The following TMEM117 variants were observed in gnomAD, a reference collection of about 807,000 sequenced individuals.
The protein encoded by TMEM117 is transmembrane protein 117.
TMEM117 carries 27 observed loss-of-function variants against 52.4 expected under a neutral mutation model. The observed-to-expected ratio is 0.51, with a 90% CI of 0.38 to 0.71. The LOEUF (loss-of-function observed/expected upper bound fraction) is 0.71. TMEM117 is among the 30% of genes least tolerant of loss of function. The probability of loss-of-function intolerance (pLI) is 0.00; values close to 1 mark genes in which losing one functional copy is unlikely to be tolerated. For synonymous variants in TMEM117, 215 were observed against 206.3 expected, an observed-to-expected ratio of 1.04 and a Z score of -0.36; for missense variants, 556 against 630.5, an observed-to-expected ratio of 0.88 and a Z score of 1.26.
At chr12:43,943,792 A>T (rs1945084104) in intron 2 of TMEM117, among the ~76,000 whole-genome samples, 1 of 152,230 alleles carries the variant, frequency 6.6e-6, no homozygotes, top group Non-Finnish European at 1.5e-5. Context: ...TCATCTGGCC[A>T]GTATTGGGAA....
chr12:44,169,879 A>T (rs1464745371), intron 4 of TMEM117, among the ~76,000 whole-genome samples: 3 of 152,210 alleles, frequency 2.0e-5, no homozygotes, highest in African/African-American at 7.2e-5. Flanking sequence ...TGTGGAAGAC[A>T]GCGTGGCCAT....
intron 2 of TMEM117, among the ~76,000 whole-genome samples, chr12:43,891,019 C>A (rs1944093651): frequency 6.6e-6 from 1 of 151,890 alleles, no homozygotes; most frequent in Non-Finnish European, 1.5e-5. Flanking sequence ...TAATGATTTC[C>A]CCAGAGGTGG....
the TMEM117 span, chr12:43,800,575 A>G: frequency 1.4e-6 from 2 of 1,463,502 alleles, no homozygotes; most frequent in Non-Finnish European, 1.9e-6. Flanking sequence ...TGAAAACATA[A>G]CATTACAAAA....
At chr12:44,034,262 T>G (rs1359910830) in intron 3 of TMEM117, among the ~76,000 whole-genome samples, 1 of 152,106 alleles carries the variant, frequency 6.6e-6, no homozygotes, top group East Asian at 1.9e-4. Flanking sequence ...TTTATATTAG[T>G]AGCCAAGAAA....
At chr12:44,118,081 G>T (rs1440673564) in intron 3 of TMEM117, among the ~76,000 whole-genome samples, 2 of 151,288 alleles carry the variant, frequency 1.3e-5, no homozygotes, top group African/African-American at 2.4e-5. Flanking sequence ...AGGAAATTGG[G>T]GCAGTTGTTC....
intron 5 of TMEM117, among the ~76,000 whole-genome samples, chr12:44,226,950 T>C (rs1396165084): frequency 6.6e-6 from 1 of 152,044 alleles, no homozygotes; most frequent in Non-Finnish European, 1.5e-5. Context: ...ACAATAAAAA[T>C]TGGCCCAATT....
intron 6 of TMEM117, among the ~76,000 whole-genome samples, chr12:44,318,112 G>A (rs894479557): frequency 6.6e-6 from 1 of 152,164 alleles, no homozygotes; most frequent in Admixed American, 6.6e-5. Context: ...TAGCATAGGG[G>A]GCCGTACTGC....
intron 4 of TMEM117, among the ~76,000 whole-genome samples, chr12:44,181,785 T>A (rs531409101): frequency 1.5e-4 from 22 of 150,654 alleles, no homozygotes; most frequent in Non-Finnish European, 2.8e-4. Flanking sequence ...AGTCAGGTAG[T>A]GTGATGCCTC....
At chr12:44,276,967 G>A (rs1039539414) in intron 5 of TMEM117, among the ~76,000 whole-genome samples, 4 of 151,374 alleles carry the variant, frequency 2.6e-5, no homozygotes, top group African/African-American at 9.7e-5. Flanking sequence ...CTAAGGCTGT[G>A]GTGGTTAAAT....
chr12:43,897,185 A>G (rs1276250332), intron 2 of TMEM117, among the ~76,000 whole-genome samples: 5 of 152,232 alleles, frequency 3.3e-5, no homozygotes, highest in African/African-American at 9.6e-5. Flanking sequence ...TCAGTCTCTC[A>G]CCATATTCTT....
intron 5 of TMEM117, among the ~76,000 whole-genome samples, chr12:44,238,381 T>C (rs1010282728): frequency 1.3e-5 from 2 of 151,902 alleles, no homozygotes; most frequent in African/African-American, 4.8e-5. Context: ...GAAGGGAAAA[T>C]AGAAGGAAGG....
At chr12:43,895,065 G>T (rs1360815747) in intron 2 of TMEM117, among the ~76,000 whole-genome samples, 1 of 152,088 alleles carries the variant, frequency 6.6e-6, no homozygotes, top group Non-Finnish European at 1.5e-5. Flanking sequence ...TGTCATGGGG[G>T]TTTGTTGTGC....
intron 6 of TMEM117, among the ~76,000 whole-genome samples, chr12:44,316,780 T>G (rs1344218337): frequency 6.6e-6 from 1 of 152,074 alleles, no homozygotes; most frequent in African/African-American, 2.4e-5. Flanking sequence ...TCATTAAAAT[T>G]TTTTTTCTTT....
At chr12:44,167,828 A>G (rs1385986238) in intron 4 of TMEM117, among the ~76,000 whole-genome samples, 3 of 152,190 alleles carry the variant, frequency 2.0e-5, no homozygotes, top group South Asian at 2.1e-4. Context: ...TCTGCATTAC[A>G]TAGTGCAGCT....
At position 44,043,878 on chromosome 12, in the gene TMEM117, C is replaced by A. The variant is rs144580814; in HGVS notation, c.410+99536C>A. The stretch of plus-strand genomic sequence containing the variant: ...TGGTGGAAGGAACATAGAGTTGGAT[C>A]GGGCTGAATTTATTGATTTGGGCCC... On this transcript the variant is annotated intron_variant, in intron 3 of 7. Coordinates refer to ENST00000266534, the MANE Select transcript of TMEM117 (RefSeq NM_032256.3). Among the ~76,000 whole-genome samples the A allele has an allele frequency of 1.5e-3, 232 of 152,282 alleles. 1 individual carries two copies. The highest frequency in any genetic ancestry group is 4.8e-3 in the African/African-American group (200 of 41,560).
intron 4 of TMEM117, among the ~76,000 whole-genome samples, chr12:44,152,033 T>C (rs1948737391): frequency 8.4e-6 from 1 of 118,892 alleles, no homozygotes; most frequent in Admixed American, 1.0e-4. Context: ...AAATATGTAA[T>C]ATATATTATA....
intron 3 of TMEM117, among the ~76,000 whole-genome samples, chr12:44,011,193 C>G (rs929899898): frequency 6.6e-6 from 1 of 152,124 alleles, no homozygotes; most frequent in Non-Finnish European, 1.5e-5. Context: ...GTTCCTTTCT[C>G]TCAACCCTTT....
At chr12:44,163,985 A>T (rs550446232) in intron 4 of TMEM117, among the ~76,000 whole-genome samples, 3 of 152,140 alleles carry the variant, frequency 2.0e-5, no homozygotes, top group Admixed American at 1.3e-4. Context: ...GATGAAAGGG[A>T]TCCTAAAATA....
chr12:43,828,910 A>T, the TMEM117 span, among the ~76,000 whole-genome samples: 1 of 152,026 alleles, frequency 6.6e-6, no homozygotes, highest in Non-Finnish European at 1.5e-5. Flanking sequence ...TTGTTAATTG[A>T]GAGCCTTTGG....
Sources: gnomAD v4.1 joint callset for allele counts (sites outside exome capture counted in the v4.1 genomes callset) on GRCh38, gnomAD v4.1.1 for gene constraint, MANE v1.5 for transcripts, NCBI Gene and HGNC (gene_info 2026-07-23, HGNC 2026-07-21) for gene names.